TEX101: variants seen among roughly 807,000 people sequenced by gnomAD.
The protein encoded by TEX101 is testis-expressed protein 101.
TEX101 carries 10 observed loss-of-function variants against 18.1 expected under a neutral mutation model. That is an observed-to-expected ratio of 0.55 (90% CI 0.34 to 0.94). The LOEUF (loss-of-function observed/expected upper bound fraction) is 0.94. Ranked by LOEUF, TEX101 falls within the 40% of genes least tolerant of loss-of-function variation. TEX101 has a pLI of 0.02. For missense variants in TEX101, 259 were observed against 298.9 expected (o/e 0.87, Z 0.98); for synonymous variants, 94 against 114.8 (o/e 0.82, Z 1.16).
Position 43,418,181 on chromosome 19 carries a change from G to C in TEX101, c.534G>C (p.Ser178=). ...KLEITGGGIE[S]SVEVKGCTAM... is the part of the protein sequence containing the mutation. ...CTTGTTCTATAGGTGGCATTGAGTC[G>C]TCTGTGGAGGTCAAAGGCTGTACAG... The change falls in exon 6 of 6, where the codon TCG becomes TCC. Residue 178 remains serine, a synonymous_variant. Transcript: ENST00000598265. 3.7e-6 allele frequency: 6 copies of C among 1,614,156 alleles called. No homozygotes were observed. The highest frequency in any genetic ancestry group is 5.1e-6 in the Non-Finnish European group (6 of 1,180,030).
chr19:43,408,017 G>C (rs984648078), intron 3 of TEX101, among the ~76,000 whole-genome samples: 1 of 152,238 alleles, frequency 6.6e-6, no homozygotes, highest in Non-Finnish European at 1.5e-5. Context: ...GCGTGTGTCC[G>C]CTTCGCAGCG....
At chr19:43,407,889 CA>C (rs999355455) in intron 3 of TEX101, among the ~76,000 whole-genome samples, 18 of 152,328 alleles carry the variant, frequency 1.2e-4, no homozygotes, top group African/African-American at 4.1e-4. Flanking sequence ...ACGCAAGGCC[CA>C]TTCGTGGGGA....
intron 1 of TEX101, among the ~76,000 whole-genome samples, chr19:43,402,148 T>C (rs1172965540): frequency 6.6e-6 from 1 of 152,278 alleles, no homozygotes; most frequent in East Asian, 1.9e-4. Flanking sequence ...TACAGTGGTC[T>C]ATATGAATAA....
upstream of TEX101, among the ~76,000 whole-genome samples, chr19:43,397,154 A>G (rs1413956548): frequency 6.6e-6 from 1 of 152,054 alleles, no homozygotes; most frequent in African/African-American, 2.4e-5. Context: ...GCTTTTTATT[A>G]TGAAGCTGGG....
At chr19:43,391,406 C>CTTTT in the TEX101 span, among the ~76,000 whole-genome samples, 1 of 95,886 alleles carries the variant, frequency 1.0e-5, no homozygotes, top group African/African-American at 4.3e-5. Flanking sequence ...TTCTGTTTTT[C>CTTTT]TTTTTTTTTT....
At chr19:43,412,715 A>C (rs899825039), upstream of TEX101, among the ~76,000 whole-genome samples, 4 of 152,212 alleles carry the variant, frequency 2.6e-5, no homozygotes, top group Admixed American at 2.6e-4. Flanking sequence ...CAAAGATAAC[A>C]GTTCAAAGAT....
At chr19:43,405,215 A>G (rs1442652319) in intron 2 of TEX101, among the ~76,000 whole-genome samples, 1 of 152,186 alleles carries the variant, frequency 6.6e-6, no homozygotes. Flanking sequence ...TGATAAATGA[A>G]TTATGCGTGC....
At chr19:43,410,703 T>G (rs1970411247), upstream of TEX101, among the ~76,000 whole-genome samples, 1 of 150,856 alleles carries the variant, frequency 6.6e-6, no homozygotes, top group African/African-American at 2.4e-5. Context: ...CATGCACACA[T>G]GCACACTGAC....
At chr19:43,403,851 A>G (rs1433215029) in intron 2 of TEX101, among the ~76,000 whole-genome samples, 3 of 152,008 alleles carry the variant, frequency 2.0e-5, no homozygotes, top group Non-Finnish European at 2.9e-5. Flanking sequence ...CATCCTGGCT[A>G]ACACAATGAA....
chr19:43,391,102 A>C, the TEX101 span, among the ~76,000 whole-genome samples: 1 of 152,184 alleles, frequency 6.6e-6, no homozygotes, highest in Admixed American at 6.5e-5. Flanking sequence ...GCTGAATCCC[A>C]TTCATTTGTA....
rs764151528 is a variant in TEX101, at chr19:43,417,875, C to T, written c.392-3C>T. On this transcript the variant is annotated splice_polypyrimidine_tract_variant and splice_region_variant and intron_variant, in intron 4 of 5. Transcript: ENST00000598265. ...CTTAACTGTCTCTCTCATTTCCCTC[C>T]AGCTTCCACTGTGTCAACAACCCTC... 7.4e-6 allele frequency: 12 copies of T among 1,614,030 alleles called. No homozygotes were observed. Among genetic ancestry groups the T allele is most frequent in the South Asian group, 3.3e-5 (3 of 91,068 alleles).
chr19:43,411,603 A>C (rs113329916), upstream of TEX101, among the ~76,000 whole-genome samples: 5 of 152,128 alleles, frequency 3.3e-5, no homozygotes, highest in African/African-American at 1.2e-4. Context: ...ACTATTTGCC[A>C]ACCATTGCTC....
chr19:43,401,362 C>T (rs1260141236), upstream of TEX101: 1 of 152,278 alleles, frequency 6.6e-6, no homozygotes, highest in Non-Finnish European at 1.5e-5. Flanking sequence ...ATACAGTCCT[C>T]ACAGAGTCAC....
the TEX101 span, among the ~76,000 whole-genome samples, chr19:43,393,984 A>G: frequency 6.6e-6 from 1 of 151,866 alleles, no homozygotes; most frequent in African/African-American, 2.4e-5. Flanking sequence ...GTTTAAATTC[A>G]GAGACATTCT....
chr19:43,406,282 G>C, exon 3 of TEX101: 1 of 525,910 alleles, frequency 1.9e-6, no homozygotes, highest in Non-Finnish European at 3.4e-6. Flanking sequence ...AGGAGCAACC[G>C]TGACCCTCTT....
Position 43,418,424 on chromosome 19 carries a change from G to A in TEX101, c.*27G>A. ...AAGGCACTTCTGGGCCTGGGTCTGA[G>A]GACATCTTTTTTGACTGGGAGCCTT... On this transcript the variant is annotated 3_prime_UTR_variant, in exon 6 of 6. Transcript: ENST00000598265. 1 of 1,586,972 alleles carries A rather than the reference G, an allele frequency of 6.3e-7. No individual in the cohort carries two copies. Among genetic ancestry groups the A allele is most frequent in the Non-Finnish European group, 8.6e-7 (1 of 1,162,598 alleles).
chr19:43,415,444 A>T (rs920871094), intron 1 of TEX101, among the ~76,000 whole-genome samples: 5 of 152,062 alleles, frequency 3.3e-5, no homozygotes, highest in Non-Finnish European at 7.4e-5. Context: ...ACGACTTTAG[A>T]AGTCGTGGTC....
chr19:43,409,753 G>A (rs1474065431), intron 3 of TEX101, among the ~76,000 whole-genome samples: 1 of 152,160 alleles, frequency 6.6e-6, no homozygotes, highest in Non-Finnish European at 1.5e-5. Context: ...CTGGGTGACA[G>A]AGCAAGACTC....
At chr19:43,396,627 T>C (rs1209509862), upstream of TEX101, among the ~76,000 whole-genome samples, 1 of 151,926 alleles carries the variant, frequency 6.6e-6, no homozygotes, top group Non-Finnish European at 1.5e-5. Flanking sequence ...GGAACAGAGG[T>C]TTACATGGAA....
Sources: gnomAD v4.1 joint callset for allele counts (sites outside exome capture counted in the v4.1 genomes callset) on GRCh38, gnomAD v4.1.1 for gene constraint, MANE v1.5 for transcripts, NCBI Gene and HGNC (gene_info 2026-07-23, HGNC 2026-07-21) for gene names.